The following TBC1D19 variants were observed in gnomAD, a reference collection of about 807,000 sequenced individuals.
The protein encoded by TBC1D19 is TBC1 domain family, member 19.
TBC1D19 carries 60 observed loss-of-function variants against 89.0 expected under a neutral mutation model. That is an observed-to-expected ratio of 0.67 (90% CI 0.55 to 0.84). TBC1D19 has a LOEUF of 0.84. TBC1D19 is among the 40% of genes least tolerant of loss of function. TBC1D19 has a pLI of 0.00. For synonymous variants in TBC1D19, 189 were observed against 199.7 expected (o/e 0.95, Z 0.45); for missense variants, 500 against 610.8 (o/e 0.82, Z 1.91).
At chr4:26,600,339 A>G (rs1305810624) in intron 1 of TBC1D19, among the ~76,000 whole-genome samples, 3 of 152,252 alleles carry the variant, frequency 2.0e-5, no homozygotes, top group Admixed American at 6.5e-5. Flanking sequence ...AGTTAAACAC[A>G]GTAAAGAAAT....
intron 15 of TBC1D19, among the ~76,000 whole-genome samples, chr4:26,730,376 T>G (rs1391221885): frequency 6.6e-6 from 1 of 152,186 alleles, no homozygotes; most frequent in African/African-American, 2.4e-5. Context: ...AAGTACTGCC[T>G]TTGTATCAAA....
At chr4:26,810,837 CTAGCACCA>C in the TBC1D19 span, among the ~76,000 whole-genome samples, 1 of 152,288 alleles carries the variant, frequency 6.6e-6, no homozygotes, top group South Asian at 2.1e-4. Context: ...AATCCCAAGC[CTAGCACCA>C]TACTACATGG....
chr4:26,686,813 C>T lies in TBC1D19; in HGVS notation c.892-1532C>T, dbSNP rs377258749. On this transcript the variant is annotated intron_variant, in intron 12 of 20. Transcript: ENST00000264866. The stretch of plus-strand genomic sequence containing the variant: ...TTATGGTTTTTTCAGAGTTAGCACA[C>T]ATTCGCTAACCCCAGAGTCATCTAT... Among the ~76,000 whole-genome samples, 9 of 152,270 alleles carry T rather than the reference C, an allele frequency of 5.9e-5. No individual in the cohort carries two copies. The East Asian group carries it at 1.5e-3, about 26-fold the overall frequency.
chr4:26,664,792 A>T (rs1577901433), intron 8 of TBC1D19, among the ~76,000 whole-genome samples: 1 of 152,024 alleles, frequency 6.6e-6, no homozygotes, highest in African/African-American at 2.4e-5. Context: ...ATATGATTTG[A>T]CTATTTCTTT....
intron 1 of TBC1D19, 140 bp downstream of exon 1, chr4:26,584,432 CAAAAA>C (rs1228921188): frequency 2.9e-6 from 2 of 683,798 alleles, no homozygotes; most frequent in Non-Finnish European, 4.8e-6. Flanking sequence ...CAGACAAAAA[CAAAAA>C]CAAAAACAAA....
At chr4:26,705,815 G>C (rs1457534565) in intron 13 of TBC1D19, among the ~76,000 whole-genome samples, 2 of 152,026 alleles carry the variant, frequency 1.3e-5, no homozygotes, top group African/African-American at 4.8e-5. Flanking sequence ...TTGGTATCAA[G>C]GTAATACTGG....
At chr4:26,854,344 A>G in the TBC1D19 span, among the ~76,000 whole-genome samples, 2 of 152,302 alleles carry the variant, frequency 1.3e-5, no homozygotes, top group East Asian at 3.9e-4. Context: ...TGATCTTAGC[A>G]CCTAATATAG....
At chr4:26,837,207 A>G in the TBC1D19 span, among the ~76,000 whole-genome samples, 6 of 152,206 alleles carry the variant, frequency 3.9e-5, no homozygotes, top group African/African-American at 1.2e-4. Flanking sequence ...AGAAGCTCCA[A>G]TACTGGGTGG....
intron 16 of TBC1D19, among the ~76,000 whole-genome samples, chr4:26,736,207 T>C (rs1578002175): frequency 1.9e-5 from 2 of 103,648 alleles, no homozygotes; most frequent in Non-Finnish European, 2.1e-5. Context: ...TGGAATACTA[T>C]GCAGCCATAA....
At chr4:26,649,428 A>G (rs1744183153) in intron 7 of TBC1D19, among the ~76,000 whole-genome samples, 1 of 152,160 alleles carries the variant, frequency 6.6e-6, no homozygotes, top group African/African-American at 2.4e-5. Flanking sequence ...GGTTTTCAGT[A>G]TATTTACAGA....
intron 4 of TBC1D19, among the ~76,000 whole-genome samples, chr4:26,624,860 G>C (rs1172484736): frequency 6.6e-6 from 1 of 152,052 alleles, no homozygotes; most frequent in Non-Finnish European, 1.5e-5. Context: ...AAAAAGTGCT[G>C]TGTGACTAGC....
Position 26,658,214 on chromosome 4 carries a change from T to G in TBC1D19, c.481-1383T>G, listed in dbSNP as rs189469724. 1.8e-4 allele frequency among the ~76,000 whole-genome samples: 27 copies of G among 152,350 alleles called. No homozygotes were observed. The East Asian group carries it at 4.6e-3, about 26-fold the overall frequency. On this transcript the variant is annotated intron_variant, in intron 7 of 20. Transcript: ENST00000264866. ...AGATTTTCTTCTAGGATTCCTATAG[T>G]TTTAGGTCTTATGTTTAAGTCTTTA...
At chr4:26,641,802 T>G (rs973106720) in intron 7 of TBC1D19, among the ~76,000 whole-genome samples, 1 of 152,108 alleles carries the variant, frequency 6.6e-6, no homozygotes, top group Non-Finnish European at 1.5e-5. Flanking sequence ...CAGTAGCCGA[T>G]TCGATCAACT....
the TBC1D19 span, among the ~76,000 whole-genome samples, chr4:26,776,223 T>C: frequency 2.6e-5 from 4 of 152,200 alleles, no homozygotes; most frequent in Non-Finnish European, 5.9e-5. Context: ...TTTCAGGTGC[T>C]CAGAGGTAAT....
At chr4:26,832,899 C>A in the TBC1D19 span, among the ~76,000 whole-genome samples, 1 of 152,098 alleles carries the variant, frequency 6.6e-6, no homozygotes, top group African/African-American at 2.4e-5. Flanking sequence ...GAGGCTGAGA[C>A]AAGAAAATTG....
chr4:26,696,422 C>T lies in TBC1D19; in HGVS notation c.954+8015C>T, dbSNP rs368573740. Among the ~76,000 whole-genome samples, 7 of 152,162 alleles carry T rather than the reference C, an allele frequency of 4.6e-5. No individual in the cohort carries two copies. The East Asian group carries it at 1.2e-3, about 25-fold the overall frequency. On this transcript the variant is annotated intron_variant, in intron 13 of 20. Transcript: ENST00000264866. ...ACGATAATAATGGGAGACTTTAACA[C>T]CCCACTGTCAACATTAGACAGATCA...
At chr4:26,808,823 TA>T in the TBC1D19 span, among the ~76,000 whole-genome samples, 1 of 151,766 alleles carries the variant, frequency 6.6e-6, no homozygotes, top group African/African-American at 2.4e-5. Flanking sequence ...AAGTACCAAC[TA>T]AGCTATTTCA....
At chr4:26,587,603 T>A (rs1047747125) in intron 1 of TBC1D19, among the ~76,000 whole-genome samples, 9 of 151,062 alleles carry the variant, frequency 6.0e-5, no homozygotes, top group Non-Finnish European at 7.4e-5. Flanking sequence ...AGATATTTCT[T>A]TGTAGTTTTT....
intron 7 of TBC1D19, among the ~76,000 whole-genome samples, chr4:26,654,705 G>T (rs1013833688): frequency 3.3e-5 from 5 of 152,190 alleles, no homozygotes; most frequent in Admixed American, 1.3e-4. Context: ...CGTAGTTCTC[G>T]TGCCTTGGTT....
Sources: gnomAD v4.1 joint callset for allele counts (sites outside exome capture counted in the v4.1 genomes callset) on GRCh38, gnomAD v4.1.1 for gene constraint, MANE v1.5 for transcripts, NCBI Gene and HGNC (gene_info 2026-07-23, HGNC 2026-07-21) for gene names.